The following HGS variants were observed in gnomAD, a reference collection of about 807,000 sequenced individuals.
HGS encodes the protein hepatocyte growth factor-regulated tyrosine kinase substrate, also known as human growth factor-regulated tyrosine kinase substrate.
HGS carries 63 observed loss-of-function variants against 109.7 expected under a neutral mutation model. The observed-to-expected ratio is 0.57, with a 90% CI of 0.47 to 0.71. The LOEUF is 0.71. HGS is among the 30% of genes least tolerant of loss of function. The pLI, the probability that HGS is intolerant of heterozygous loss-of-function variation, is 0.00. For synonymous variants in HGS, 546 were observed against 437.3 expected (o/e 1.25, Z -3.10); for missense variants, 995 against 1,068.3 (o/e 0.93, Z 0.96).
At chr17:81,699,780 A>G (rs867559609) in intron 18 of HGS, among the ~76,000 whole-genome samples, 1 of 152,266 alleles carries the variant, frequency 6.6e-6, no homozygotes, top group South Asian at 2.1e-4. Flanking sequence ...AGTCACAACA[A>G]AAAGGAAAAC....
chr17:81,694,166 G>A (rs1431956917), intron 11 of HGS, among the ~76,000 whole-genome samples: 2 of 152,182 alleles, frequency 1.3e-5, no homozygotes, highest in Non-Finnish European at 2.9e-5. Context: ...TCCCTGGTTC[G>A]GCCCTTGGGA....
chr17:81,688,271 GCGGCTGCCCCCCGCGTCTCCC>G (rs1372260999), intron 4 of HGS, among the ~76,000 whole-genome samples: 1 of 151,488 alleles, frequency 6.6e-6, no homozygotes. Flanking sequence ...CATTTCTGGA[GCGGCTGCCCCCCGCGTCTCCC>G]CGGCTGTGAC....
At chr17:81,699,492 G>A (rs1324298175) in intron 18 of HGS, among the ~76,000 whole-genome samples, 1 of 152,176 alleles carries the variant, frequency 6.6e-6, no homozygotes, top group Non-Finnish European at 1.5e-5. Context: ...GTGGTGCGAC[G>A]TCAGCTCACG....
At chr17:81,688,329 C>T (rs1252951414) in intron 4 of HGS, among the ~76,000 whole-genome samples, 3 of 151,804 alleles carry the variant, frequency 2.0e-5, no homozygotes, top group Admixed American at 6.5e-5. Context: ...GCCAGAGCCC[C>T]GCAGTACCCC....
chr17:81,700,507 C>A lies in HGS; in HGVS notation c.1923C>A (p.Ala641=), dbSNP rs574360482. 1.2e-6 allele frequency: 2 copies of A among 1,606,414 alleles called. No individual in the cohort carries two copies. Among genetic ancestry groups the A allele is most frequent in the Non-Finnish European group, 1.7e-6 (2 of 1,176,120 alleles). The change falls in exon 19 of 22, where the codon GCC becomes GCA. Residue 641 remains alanine, a synonymous_variant. Transcript: ENST00000329138. ...GTGCCTACATGTACCCAGCAGGGGC[C>A]ACTGGGGCGCAGGCGGCCCCCCAGG... ...MVSAYMYPAG[A]TGAQAAPQAQ... is the part of the protein sequence containing the mutation.
At chr17:81,688,639 C>T in intron 4 of HGS, 65 bp from the exon 5 acceptor site, 4 of 1,594,206 alleles carry the variant, frequency 2.5e-6, no homozygotes, top group East Asian at 2.3e-5. Context: ...CAGCTGCTTC[C>T]TCACACCGAG....
chr17:81,695,040 G>T lies in HGS; in HGVS notation c.1092G>T (p.Gly364=), dbSNP rs1311064416. 2 of 1,613,602 alleles carry T rather than the reference G, an allele frequency of 1.2e-6. No homozygotes were observed. The highest frequency in any genetic ancestry group is 2.7e-5 in the African/African-American group (2 of 74,942). ...AGCCGGCTGCACAGCCTGGGGAAGG[G>T]CACGCAGCCCCCACCAACGTGGTGG... is the stretch of plus-strand genomic sequence containing the variant. The part of the protein sequence containing the change: ...LTEPAAQPGE[G]HAAPTNVVEN... Residue 364 remains glycine (G), a synonymous_variant, in exon 13 of 22, where the codon GGG becomes GGT. Coordinates refer to ENST00000329138, the MANE Select transcript of HGS (RefSeq NM_004712.5).
Position 81,700,726 on chromosome 17 carries a change from C to T in HGS, c.2048C>T (p.Pro683Leu), listed in dbSNP as rs754832311. Residue 683 changes from proline to leucine, a missense_variant, in exon 20 of 22, where the codon CCG becomes CTG. This residue lies in a region of HGS where 326 missense variants were observed against 309.7 expected (regional missense o/e 1.05). Coordinates refer to ENST00000329138, the MANE Select transcript of HGS (RefSeq NM_004712.5). The part of the protein sequence containing the change: ...NVASQAPQSL[P>L]AISQPPQSST... Reference sequence around the variant, plus strand: ...GCCTCCCAGGCCCCACAGAGCCTCCCGGCCATCTCTCAGCCTCCGCAGTCC... The same window carrying T: ...GCCTCCCAGGCCCCACAGAGCCTCCTGGCCATCTCTCAGCCTCCGCAGTCC... 7 of 1,612,242 alleles carry T rather than the reference C, an allele frequency of 4.3e-6. No individual in the cohort carries two copies. The highest frequency in any genetic ancestry group is 2.7e-5 in the African/African-American group (2 of 74,924).
At position 81,701,593 on chromosome 17, in the gene HGS, A is replaced by T; in HGVS notation, c.2309A>T (p.Glu770Val). ...QAQGPPAQGS[E>V]AQLISFD Reference sequence around the variant, plus strand: ...CAGGGGCCGCCGGCACAGGGCAGCGAGGCCCAGCTCATTTCATTCGACTGA... The same window carrying T: ...CAGGGGCCGCCGGCACAGGGCAGCGTGGCCCAGCTCATTTCATTCGACTGA... Residue 770 changes from glutamate to valine, a missense_variant, in exon 22 of 22, where the codon GAG (glutamate) becomes GTG (valine). Transcript: ENST00000329138. The T allele has an allele frequency of 6.4e-7, 1 of 1,568,486 alleles. No homozygotes were observed. The highest frequency in any genetic ancestry group is 8.6e-7 in the Non-Finnish European group (1 of 1,163,938).
chr17:81,694,096 C>A, intron 11 of HGS, 131 bp downstream of exon 11: 1 of 729,016 alleles, frequency 1.4e-6, no homozygotes, highest in East Asian at 2.7e-5. Flanking sequence ...GAGGACAGCC[C>A]CAGCACACGG....
At chr17:81,692,101 G>A (rs2037073246) in intron 8 of HGS, 1 of 161,614 alleles carries the variant, frequency 6.2e-6, no homozygotes, top group Admixed American at 5.8e-5. Context: ...TGATCTCTGA[G>A]AGGGACAGTG....
rs1046516841 is a variant in HGS at position 81,688,485 on chromosome 17, G to A, written c.292-219G>A. On this transcript the variant is annotated intron_variant, in intron 4 of 21. Coordinates refer to ENST00000329138, the MANE Select transcript of HGS (RefSeq NM_004712.5). ...ATGGTCAGGGGCACAGAGACGCGGC[G>A]TTGTTTGGCTCCAGCAAGTAGAGGC... 3.3e-5 allele frequency among the ~76,000 whole-genome samples: 5 copies of A among 152,222 alleles called. No individual in the cohort carries two copies. In the East Asian group the frequency reaches 7.7e-4, roughly 23 times the overall value.
rs374793793 is a variant in HGS, at chr17:81,695,174, C to G, written c.1130C>G (p.Pro377Arg). 6.2e-7 allele frequency: 1 copy of G among 1,614,094 alleles called. No individual in the cohort carries two copies. The highest frequency in any genetic ancestry group is 1.3e-5 in the African/African-American group (1 of 74,950). The change falls in exon 14 of 22, where the codon CCG (proline) becomes CGG (arginine). Residue 377 changes from proline to arginine, a missense_variant. Coordinates refer to ENST00000329138, the MANE Select transcript of HGS (RefSeq NM_004712.5). ...APTNVVENPLPETDSQPIPPS... is the reference protein window; with the variant it reads ...APTNVVENPLRETDSQPIPPS... ...TTCTCTCTCTTCCAGAACCCCCTCC[C>G]GGAGACAGACTCTCAGCCCATTCCT...
chr17:81,695,589 T>C lies in HGS; in HGVS notation c.1180-197T>C, dbSNP rs926018372. 1.5e-5 allele frequency: 9 copies of C among 619,360 alleles called. No individual in the cohort carries two copies. In the Admixed American group the frequency reaches 2.6e-4, roughly 18 times the overall value. The allele number at this position is 619,360 out of a possible 1,614,324, so 38.4% of individuals were successfully genotyped here. ...GTGGGGCCCTGAGCCAGCTCCGTCC[T>C]GACCAGGGCTTGCAGCTGGACAAGG... On this transcript the variant is annotated intron_variant, in intron 14 of 21. Coordinates refer to ENST00000329138, the MANE Select transcript of HGS (RefSeq NM_004712.5).
In HGS at chr17:81,686,294, T is replaced by C; in HGVS notation, c.123-18T>C. On this transcript the variant is annotated intron_variant, in intron 2 of 21. Coordinates refer to ENST00000329138, the MANE Select transcript of HGS (RefSeq NM_004712.5). ...TTTTTCCCGTTTTTCTCTGCTTTTA[T>C]CAATGTTTCCTTTTCAGAGCAAAAT... is the stretch of plus-strand genomic sequence containing the variant. 1.2e-6 allele frequency: 2 copies of C among 1,607,092 alleles called. No individual in the cohort carries two copies. Among genetic ancestry groups the C allele is most frequent in the South Asian group, 2.2e-5 (2 of 90,814 alleles).
At chr17:81,694,874 C>A (rs776194586) in intron 12 of HGS, 21 bp downstream of exon 12, 1 of 1,614,184 alleles carries the variant, frequency 6.2e-7, no homozygotes, top group Non-Finnish European at 8.5e-7. Context: ...GCATGGGGTG[C>A]ATCCTCTCAC....
chr17:81,685,220 G>A (rs1437411449), intron 1 of HGS, among the ~76,000 whole-genome samples: 3 of 152,196 alleles, frequency 2.0e-5, no homozygotes, highest in African/African-American at 7.2e-5. Flanking sequence ...TGGGCGAACG[G>A]GGACTCCAAG....
intron 21 of HGS, 161 bp from the exon 22 acceptor site, chr17:81,701,347 T>C: frequency 7.9e-6 from 7 of 885,586 alleles, no homozygotes; most frequent in Non-Finnish European, 1.2e-5. Flanking sequence ...AACCGTGAAT[T>C]TACTTGAAAG....
rs1263602272 is a variant in HGS at position 81,690,176 on chromosome 17, C to T, written c.416-6C>T. On this transcript the variant is annotated splice_region_variant and splice_polypyrimidine_tract_variant and intron_variant, in intron 5 of 21. Transcript: ENST00000329138. ...GCAGGCAGTGACTATGGCTTCATCT[C>T]TCCAGGGCACGTCTTTCCAGAATTC... 2 of 1,613,392 alleles carry T rather than the reference C, an allele frequency of 1.2e-6. No homozygotes were observed. The highest frequency in any genetic ancestry group is 1.7e-5 in the Admixed American group (1 of 59,974).
Sources: allele counts gnomAD v4.1 joint callset (sites outside exome capture counted in the v4.1 genomes callset), GRCh38; gene constraint gnomAD v4.1.1; regional missense constraint gnomAD v4.1.1; transcripts MANE v1.5; gene names NCBI Gene and HGNC (gene_info 2026-07-23, HGNC 2026-07-21).